The following GRHL2 variants were observed in gnomAD, a reference collection of about 807,000 sequenced individuals.
GRHL2 encodes the protein grainyhead like transcription factor 2, also known as grainyhead-like protein 2 homolog.
Under a neutral mutation model 83.8 loss-of-function variants are expected in GRHL2, and 21 were observed. The observed-to-expected ratio is 0.25, with a 90% CI of 0.18 to 0.36. GRHL2 has a LOEUF of 0.36. Ranked by LOEUF, GRHL2 falls within the 10% of genes least tolerant of loss-of-function variation. The pLI, the probability that GRHL2 is intolerant of heterozygous loss-of-function variation, is 1.00. For missense variants in GRHL2, 623 were observed against 781.8 expected (o/e 0.80, Z 2.42); for synonymous variants, 280 against 278.9 (o/e 1.00, Z -0.04).
At chr8:101,611,601 T>C (rs1044340105) in intron 8 of GRHL2, among the ~76,000 whole-genome samples, 15 of 151,038 alleles carry the variant, frequency 9.9e-5, no homozygotes, top group African/African-American at 3.7e-4. Flanking sequence ...GTCTGGCCTC[T>C]GGAAGTAGCA....
intron 6 of GRHL2, 90 bp downstream of exon 6, chr8:101,573,914 AT>A: frequency 7.1e-7 from 1 of 1,410,904 alleles, no homozygotes; most frequent in African/African-American, 1.4e-5. Flanking sequence ...TGGAAAAAAA[AT>A]AAAACCTTCA....
chr8:101,567,786 T>C (rs1177488665), intron 4 of GRHL2, among the ~76,000 whole-genome samples: 2 of 152,232 alleles, frequency 1.3e-5, no homozygotes, highest in Non-Finnish European at 2.9e-5. Flanking sequence ...TCATGCCATC[T>C]GGGGGATTAG....
chr8:101,675,094 C>T, the GRHL2 span, among the ~76,000 whole-genome samples: 1 of 152,078 alleles, frequency 6.6e-6, no homozygotes, highest in Admixed American at 6.5e-5. Context: ...AAACCCACAG[C>T]CAATATCATA....
At chr8:101,582,327 CGCTAGTGAGAGT>C (rs2130257450) in intron 7 of GRHL2, among the ~76,000 whole-genome samples, 1 of 152,004 alleles carries the variant, frequency 6.6e-6, no homozygotes, top group South Asian at 2.1e-4. Flanking sequence ...CTCTCATGCA[CGCTAGTGAGAGT>C]GCTAGTTGAT....
intron 4 of GRHL2, among the ~76,000 whole-genome samples, chr8:101,568,112 C>T (rs1412302440): frequency 6.6e-6 from 1 of 152,072 alleles, no homozygotes; most frequent in East Asian, 1.9e-4. Flanking sequence ...TAATACTATC[C>T]AATGTTAGTC....
At chr8:101,508,393 T>TG (rs1208915806) in intron 1 of GRHL2, among the ~76,000 whole-genome samples, 2 of 151,702 alleles carry the variant, frequency 1.3e-5, no homozygotes, top group Non-Finnish European at 2.9e-5. Flanking sequence ...CTCAGGTTTT[T>TG]TTTTTTTTTT....
intron 2 of GRHL2, chr8:101,543,931 A>G (rs578027093): frequency 1.1e-3 from 206 of 183,882 alleles, no homozygotes; most frequent in Non-Finnish European, 2.0e-3. Context: ...CTTACACGGC[A>G]GTGGAAACAG....
chr8:101,494,144 G>A (rs1239245598), intron 1 of GRHL2, among the ~76,000 whole-genome samples: 1 of 152,164 alleles, frequency 6.6e-6, no homozygotes, highest in African/African-American at 2.4e-5. Flanking sequence ...CGCCGGAGAG[G>A]GCCGGTGCCC....
At chr8:101,643,369 CAAAAAAAAA>C (rs56301334) in intron 12 of GRHL2, among the ~76,000 whole-genome samples, 13,071 of 97,028 alleles carry the variant, frequency 0.13, 726 homozygotes, top group South Asian at 0.24. Flanking sequence ...CTGTTTCTCT[CAAAAAAAAA>C]AAAAAAAAAA....
chr8:101,673,029 G>A (rs1008288215), downstream of GRHL2, among the ~76,000 whole-genome samples: 13 of 150,538 alleles, frequency 8.6e-5, no homozygotes, highest in East Asian at 2.5e-3. Flanking sequence ...CACCAGGCCT[G>A]CCCTAAAAGA....
Position 101,496,637 on chromosome 8 carries a change from A to G in GRHL2, c.20+3848A>G, listed in dbSNP as rs928152631. 1.1e-4 allele frequency among the ~76,000 whole-genome samples: 17 copies of G among 152,252 alleles called. 1 individual carries two copies. In the South Asian group the frequency reaches 1.9e-3, roughly 17 times the overall value. On this transcript the variant is annotated intron_variant, in intron 1 of 15. Transcript: ENST00000646743. ...CAACAAAAAAGTAAACATATATTTAATTAGATGATGATAAGTGCTATGAAG... is the reference window on the plus strand; with the variant it reads ...CAACAAAAAAGTAAACATATATTTAGTTAGATGATGATAAGTGCTATGAAG...
chr8:101,671,802 G>A (rs1029455548), downstream of GRHL2, among the ~76,000 whole-genome samples: 2 of 152,208 alleles, frequency 1.3e-5, no homozygotes, highest in Admixed American at 6.5e-5. Flanking sequence ...GGGGCAGACT[G>A]ACATCTCATA....
At position 101,541,281 on chromosome 8, in the gene GRHL2, A is replaced by C. The variant is rs539826238; in HGVS notation, c.21-1960A>C. On this transcript the variant is annotated intron_variant, in intron 1 of 15. Coordinates refer to ENST00000646743, the MANE Select transcript of GRHL2 (RefSeq NM_024915.4). ...CATTGTGAATTGTGCTGTAATAAAC[A>C]TACAAGTGGAGGTGTCTTTTTAATA... Among the ~76,000 whole-genome samples, 12 of 152,198 alleles carry C rather than the reference A, an allele frequency of 7.9e-5. No individual in the cohort carries two copies. The South Asian group carries it at 2.3e-3, about 29-fold the overall frequency.
Position 101,666,694 on chromosome 8 carries a change from G to A in GRHL2, c.1869G>A (p.Met623Ile). ...TGGAGGGCTTCAAGGTCACGCTCAT[G>A]GAAATCTAGCCCTGGGTTTGGCATC... ...SMVEGFKVTL[M>I]EI Residue 623 changes from methionine to isoleucine, a missense_variant, in exon 16 of 16, where the codon ATG becomes ATA. Physicochemically the swap from Met to Ile is conservative, Grantham distance 10. Coordinates refer to ENST00000646743, the MANE Select transcript of GRHL2 (RefSeq NM_024915.4). 6.2e-7 allele frequency: 1 copy of A among 1,607,326 alleles called. No homozygotes were observed. The highest frequency in any genetic ancestry group is 8.5e-7 in the Non-Finnish European group (1 of 1,173,850).
At chr8:101,498,417 G>A (rs1810152763) in intron 1 of GRHL2, among the ~76,000 whole-genome samples, 1 of 152,196 alleles carries the variant, frequency 6.6e-6, no homozygotes, top group African/African-American at 2.4e-5. Context: ...GCCATGCTTG[G>A]TGTTCACTTT....
Position 101,563,399 on chromosome 8 carries a change from G to A in GRHL2, c.678+4587G>A, listed in dbSNP as rs543216824. Among the ~76,000 whole-genome samples, 9 of 152,080 alleles carry A rather than the reference G, an allele frequency of 5.9e-5. No homozygotes were observed. In the South Asian group the frequency reaches 1.3e-3, roughly 21 times the overall value. On this transcript the variant is annotated intron_variant, in intron 4 of 15. Transcript: ENST00000646743. ...TTCAGGTGAGCAAAGAGTACAAAAGGTTGATGAGCAGGGACTGGCTCTCTG... is the reference window on the plus strand; with the variant it reads ...TTCAGGTGAGCAAAGAGTACAAAAGATTGATGAGCAGGGACTGGCTCTCTG...
chr8:101,628,165 G>A (rs1039347247), intron 9 of GRHL2, among the ~76,000 whole-genome samples: 1 of 152,262 alleles, frequency 6.6e-6, no homozygotes. Context: ...GACTTTCATA[G>A]CTAGAGAGAA....
rs1250710217 is a variant in GRHL2 at position 101,544,660 on chromosome 8, G to GTT, written c.216+1224_216+1225insTT. ...TGGCTGTGTTTATTTTGCTGGTTGG[G>GTT]CACAATGAACTCTTATTAACTCTTA... is the stretch of plus-strand genomic sequence containing the variant. On this transcript the variant is annotated intron_variant, in intron 2 of 15. Coordinates refer to ENST00000646743, the MANE Select transcript of GRHL2 (RefSeq NM_024915.4). Among the ~76,000 whole-genome samples, 7 of 152,268 alleles carry GTT rather than the reference G, an allele frequency of 4.6e-5. No homozygotes were observed. The East Asian group carries it at 1.2e-3, about 25-fold the overall frequency.
intron 2 of GRHL2, among the ~76,000 whole-genome samples, chr8:101,548,360 G>A (rs988932794): frequency 2.0e-5 from 3 of 152,286 alleles, no homozygotes; most frequent in East Asian, 1.9e-4. Flanking sequence ...GGAGGTCAAT[G>A]CTCAAAAAGG....
Sources: allele counts gnomAD v4.1 joint callset (sites outside exome capture counted in the v4.1 genomes callset), GRCh38; gene constraint gnomAD v4.1.1; transcripts MANE v1.5; gene names NCBI Gene and HGNC (gene_info 2026-07-23, HGNC 2026-07-21).